Variants in CDC14B observed in about 807,000 individuals in gnomAD.
CDC14B encodes the protein dual specificity protein phosphatase CDC14B.
CDC14B carries 22 observed loss-of-function variants against 64.2 expected under a neutral mutation model. The ratio of observed to expected loss-of-function variants is 0.34; its 90% confidence interval spans 0.24 to 0.49. CDC14B has a LOEUF of 0.49. CDC14B is among the 20% of genes least tolerant of loss of function. CDC14B has a pLI of 0.99. For missense variants in CDC14B, 498 were observed against 629.9 expected, an observed-to-expected ratio of 0.79 and a Z score of 2.24; for synonymous variants, 191 against 215.8, an observed-to-expected ratio of 0.89 and a Z score of 1.01.
At chr9:96,603,371 A>T (rs1310315951) in intron 1 of CDC14B, among the ~76,000 whole-genome samples, 3 of 152,204 alleles carry the variant, frequency 2.0e-5, no homozygotes, top group African/African-American at 7.2e-5. Context: ...TGAAAAACTT[A>T]AAAAAAAGAA....
intron 5 of CDC14B, among the ~76,000 whole-genome samples, chr9:96,550,838 G>T (rs189155373): frequency 1.2e-3 from 183 of 152,266 alleles, no homozygotes; most frequent in African/African-American, 4.1e-3. Context: ...AGTTTGAGAT[G>T]ATGTCATCCA....
chr9:96,615,248 T>C (rs1847551469), intron 1 of CDC14B, among the ~76,000 whole-genome samples: 1 of 152,164 alleles, frequency 6.6e-6, no homozygotes, highest in Non-Finnish European at 1.5e-5. Context: ...GGTGAATGAA[T>C]GGCTCCGTGA....
rs575854228 is a variant in CDC14B, at chr9:96,521,643, A to G, written c.1343+863T>C. ...TGAGGAATTACTTTTAATTGAAAAG[A>G]AAACCTGTTCTCTGCCAATATAAAT... On this transcript the variant is annotated intron_variant, in intron 12 of 13. Coordinates refer to ENST00000375241, the MANE Select transcript of CDC14B (RefSeq NM_033331.4). Among the ~76,000 whole-genome samples the G allele has an allele frequency of 3.3e-5, 5 of 152,344 alleles. No homozygotes were observed. The South Asian group carries it at 1.0e-3, about 32-fold the overall frequency.
intron 6 of CDC14B, 91 bp from the exon 7 acceptor site, chr9:96,539,231 C>T: frequency 2.3e-6 from 2 of 861,304 alleles, no homozygotes; most frequent in Non-Finnish European, 3.9e-6. Flanking sequence ...TCAGGGGCCC[C>T]CCAAGAAAGT....
In CDC14B at chr9:96,509,726, T is replaced by C; in HGVS notation, c.1407A>G (p.Ala469=). The change falls in exon 13 of 14, where the codon GCA becomes GCG. Residue 469 remains alanine (A), a synonymous_variant. Coordinates refer to ENST00000375241, the MANE Select transcript of CDC14B (RefSeq NM_033331.4). ...ATCTGGTGGTTCTTTTAGTAATGCCTGCACTGCCAGAAATGTTAGGTTCAG... is the reference window on the plus strand; with the variant it reads ...ATCTGGTGGTTCTTTTAGTAATGCCCGCACTGCCAGAAATGTTAGGTTCAG... ...KTSEPNISGS[A]GITKRTTRSA... is the part of the protein sequence containing the mutation. 1 of 1,613,376 alleles carries C rather than the reference T, an allele frequency of 6.2e-7. No homozygotes were observed. Among genetic ancestry groups the C allele is most frequent in the Non-Finnish European group, 8.5e-7 (1 of 1,179,350 alleles).
At chr9:96,615,012 T>C (rs1301908990) in intron 1 of CDC14B, among the ~76,000 whole-genome samples, 1 of 152,088 alleles carries the variant, frequency 6.6e-6, no homozygotes, top group Non-Finnish European at 1.5e-5. Flanking sequence ...AGTTAATTTT[T>C]GAATTTTTAG....
Position 96,539,114 on chromosome 9 carries a change from G to A in CDC14B, c.591C>T (p.Phe197=). 5 of 1,609,526 alleles carry A rather than the reference G, an allele frequency of 3.1e-6. No individual in the cohort carries two copies. The highest frequency in any genetic ancestry group is 4.3e-6 in the Non-Finnish European group (5 of 1,176,054). The change falls in exon 7 of 14, where the codon TTC becomes TTT. Residue 197 remains phenylalanine, a synonymous_variant. Transcript: ENST00000375241. ...CATATTCATCAAGGTTAAATGAGTT[G>A]AAATTAAGGAAGCCATACTGCATTG... ...KKAMQYGFLN[F]NSFNLDEYEH... is the part of the protein sequence containing the mutation.
chr9:96,493,957 T>C (rs1833153046), intron 13 of CDC14B, among the ~76,000 whole-genome samples: 2 of 152,170 alleles, frequency 1.3e-5, no homozygotes, highest in African/African-American at 4.8e-5. Context: ...TCCACGCCAG[T>C]GCTGCCTTTT....
intron 12 of CDC14B, among the ~76,000 whole-genome samples, chr9:96,521,891 A>AT (rs889488925): frequency 1.3e-5 from 2 of 152,206 alleles, no homozygotes; most frequent in African/African-American, 4.8e-5. Flanking sequence ...GCTTCTGCAT[A>AT]TTTTTCTAAC....
At position 96,502,626 on chromosome 9, in the gene CDC14B, T is replaced by C; in HGVS notation, c.*1127A>G. The stretch of plus-strand genomic sequence containing the variant: ...TTTTTTTTTTTAGCAGCACATCAAT[T>C]CTGTTTCTGTAACTGCTTCATGGCA... On this transcript the variant is annotated 3_prime_UTR_variant, in exon 14 of 14. Coordinates refer to ENST00000375241, the MANE Select transcript of CDC14B (RefSeq NM_033331.4). 1 of 366,210 alleles carries C rather than the reference T, an allele frequency of 2.7e-6. No homozygotes were observed. Among genetic ancestry groups the C allele is most frequent in the Non-Finnish European group, 4.8e-6 (1 of 206,594 alleles). 22.7% of individuals were successfully genotyped at this position (366,210 alleles called of 1,614,324 possible). A position where few individuals can be genotyped will look rare whatever the true frequency, so the allele number is the denominator to read the frequency against.
intron 12 of CDC14B, among the ~76,000 whole-genome samples, chr9:96,514,187 A>G (rs1223154714): frequency 1.3e-5 from 2 of 152,222 alleles, no homozygotes; most frequent in Non-Finnish European, 2.9e-5. Flanking sequence ...AAAAGAAGAG[A>G]GCCTGATAGA....
chr9:96,565,543 A>C, intron 1 of CDC14B, 60 bp from the exon 2 acceptor site: 1 of 1,037,326 alleles, frequency 9.6e-7, no homozygotes, highest in Non-Finnish European at 1.5e-6. Flanking sequence ...TTCATATATC[A>C]TGACACAACT....
chr9:96,494,419 C>T (rs985049182), intron 13 of CDC14B, among the ~76,000 whole-genome samples: 2 of 152,214 alleles, frequency 1.3e-5, no homozygotes, highest in Admixed American at 6.5e-5. Context: ...AGAGGGCCCA[C>T]GCTCAGGTAT....
At chr9:96,565,762 A>G (rs1843823051) in intron 1 of CDC14B, among the ~76,000 whole-genome samples, 1 of 152,228 alleles carries the variant, frequency 6.6e-6, no homozygotes, top group African/African-American at 2.4e-5. Context: ...TTTTTGTAAA[A>G]GTTTAGCTCC....
chr9:96,542,810 A>C (rs754410564), intron 5 of CDC14B, among the ~76,000 whole-genome samples: 2 of 151,868 alleles, frequency 1.3e-5, no homozygotes, highest in Non-Finnish European at 2.9e-5. Flanking sequence ...GGAGTTCAAG[A>C]CCAGCCTGGC....
intron 1 of CDC14B, among the ~76,000 whole-genome samples, 168 bp downstream of exon 1, chr9:96,619,051 G>A (rs1847818134): frequency 1.3e-5 from 2 of 149,080 alleles, no homozygotes; most frequent in Non-Finnish European, 3.0e-5. Context: ...CGCTCCTCAG[G>A]AGCCAGGCTC....
At chr9:96,555,517 C>T (rs1382782043) in intron 4 of CDC14B, among the ~76,000 whole-genome samples, 2 of 152,218 alleles carry the variant, frequency 1.3e-5, no homozygotes, top group East Asian at 1.9e-4. Flanking sequence ...ACAATTCGTA[C>T]TGTTGTTTTA....
chr9:96,615,839 A>G (rs1426305339), intron 1 of CDC14B, among the ~76,000 whole-genome samples: 2 of 152,218 alleles, frequency 1.3e-5, no homozygotes, highest in Non-Finnish European at 2.9e-5. Flanking sequence ...GGAATGGATA[A>G]AGTCCATATG....
chr9:96,602,350 TTAC>T (rs149883711), intron 1 of CDC14B, among the ~76,000 whole-genome samples: 2,599 of 152,294 alleles, frequency 0.017, 75 homozygotes, highest in African/African-American at 0.059. Flanking sequence ...CAAAAAAGAA[TTAC>T]GTCTGTATTT....
Sources: gnomAD v4.1 joint callset for allele counts (sites outside exome capture counted in the v4.1 genomes callset) on GRCh38, gnomAD v4.1.1 for gene constraint, MANE v1.5 for transcripts, NCBI Gene and HGNC (gene_info 2026-07-23, HGNC 2026-07-21) for gene names.